The following NMS variants were observed in gnomAD, a reference collection of about 807,000 sequenced individuals.
NMS encodes neuromedin-S.
Under a neutral mutation model 32.2 loss-of-function variants are expected in NMS, and 30 were observed. That is an observed-to-expected ratio of 0.93 (90% CI 0.70 to 1.26). The LOEUF (loss-of-function observed/expected upper bound fraction) is 1.26, where lower values mean the gene tolerates loss of function less well. Ranked by LOEUF, NMS falls within the 50% of genes most tolerant of loss-of-function variation. The pLI, the probability that NMS is intolerant of heterozygous loss-of-function variation, is 0.00. For synonymous variants in NMS, 76 were observed against 58.5 expected (o/e 1.30, Z -1.37); for missense variants, 190 against 186.3 (o/e 1.02, Z -0.12).
intron 3 of NMS, 22 bp downstream of exon 3, chr2:100,473,561 TAATATATATAAAA>T: frequency 1.1e-6 from 1 of 924,030 alleles, no homozygotes; most frequent in Non-Finnish European, 1.4e-6. Context: ...TGTATATATA[TAATATATATAAAA>T]TATATATATA....
intron 7 of NMS, 87 bp from the exon 8 acceptor site, chr2:100,481,039 C>A: frequency 7.4e-7 from 1 of 1,349,274 alleles, no homozygotes; most frequent in Non-Finnish European, 1.1e-6. Context: ...TGGGACCACC[C>A]ATTTTGAAAA....
At chr2:100,479,154 G>T (rs1231229746) in intron 5 of NMS, among the ~76,000 whole-genome samples, 199 bp from the exon 6 acceptor site, 1 of 152,226 alleles carries the variant, frequency 6.6e-6, no homozygotes, top group Non-Finnish European at 1.5e-5. Flanking sequence ...TGTTGGAATT[G>T]AAACCTGTTC....
At chr2:100,470,661 T>A in intron 1 of NMS, 97 bp downstream of exon 1, 1 of 941,068 alleles carries the variant, frequency 1.1e-6, no homozygotes, top group Non-Finnish European at 1.7e-6. Flanking sequence ...GAGTCAAGCT[T>A]TATTCTCCCC....
intron 3 of NMS, among the ~76,000 whole-genome samples, chr2:100,475,429 T>A (rs1199458617): frequency 6.6e-6 from 1 of 152,178 alleles, no homozygotes; most frequent in Non-Finnish European, 1.5e-5. Context: ...CTGCAAATGA[T>A]GACATCCACA....
intron 3 of NMS, among the ~76,000 whole-genome samples, chr2:100,476,704 T>C (rs999381210): frequency 6.1e-4 from 93 of 152,174 alleles, no homozygotes; most frequent in Non-Finnish European, 1.3e-4. Flanking sequence ...CGGCATCTCC[T>C]TGAGTCAGAT....
intron 1 of NMS, among the ~76,000 whole-genome samples, chr2:100,471,392 G>T (rs1053302122): frequency 2.6e-5 from 4 of 152,064 alleles, no homozygotes; most frequent in Non-Finnish European, 5.9e-5. Context: ...ACAAAACTGG[G>T]CCTTGCAAAG....
intron 5 of NMS, among the ~76,000 whole-genome samples, chr2:100,477,760 T>C (rs1677139787): frequency 6.6e-6 from 1 of 152,204 alleles, no homozygotes; most frequent in African/African-American, 2.4e-5. Context: ...TTTTTAAGTT[T>C]GTGCTTTGTG....
intron 9 of NMS, 132 bp from the exon 10 acceptor site, chr2:100,483,120 A>T: frequency 1.3e-6 from 1 of 755,108 alleles, no homozygotes; most frequent in Non-Finnish European, 2.2e-6. Flanking sequence ...GGGGAAAGCA[A>T]CCTGGGCATT....
chr2:100,474,813 C>G (rs1347390681), intron 3 of NMS, among the ~76,000 whole-genome samples: 1 of 152,194 alleles, frequency 6.6e-6, no homozygotes, highest in Non-Finnish European at 1.5e-5. Flanking sequence ...TTTTGGTTTA[C>G]TATGCATATG....
rs765651563 is a variant in NMS at position 100,482,125 on chromosome 2, C to T, written c.415-152C>T. 2.1e-4 allele frequency: 154 copies of T among 730,264 alleles called. 2 individuals are homozygous for T. Among genetic ancestry groups the T allele is most frequent in the South Asian group, 7.3e-4 (43 of 58,684 alleles). The allele number at this position is 730,264 out of a possible 1,614,324, so 45.2% of individuals were successfully genotyped here. ...CCTACGGACTAGCGCTAGCACAGGG[C>T]GAGGGCTTCCCAGGTGAGTCCCCAT... On this transcript the variant is annotated intron_variant, in intron 8 of 9. Coordinates refer to ENST00000376865, the MANE Select transcript of NMS (RefSeq NM_001011717.1).
At position 100,482,406 on chromosome 2, in the gene NMS, A is replaced by T. The variant is rs1325362570; in HGVS notation, c.449+95A>T. On this transcript the variant is annotated intron_variant, in intron 9 of 9. Coordinates refer to ENST00000376865, the MANE Select transcript of NMS (RefSeq NM_001011717.1). ...AGAGTGAGAGGCAGCCATGGGGAGG[A>T]CCATTGTTCAAGAAATGAGGACCCT... 3 of 1,186,518 alleles carry T rather than the reference A, an allele frequency of 2.5e-6. No homozygotes were observed. In the East Asian group the frequency reaches 7.0e-5, roughly 28 times the overall value. The allele number at this position is 1,186,518 out of a possible 1,614,324, so 73.5% of individuals were successfully genotyped here.
At chr2:100,476,667 C>T (rs1470892377) in intron 3 of NMS, among the ~76,000 whole-genome samples, 1 of 146,294 alleles carries the variant, frequency 6.8e-6, no homozygotes, top group East Asian at 2.1e-4. Flanking sequence ...AACACTTACG[C>T]TATGGTTTTG....
rs1404577355 is a variant in NMS, at chr2:100,473,446, C to G, written c.133-43C>G. On this transcript the variant is annotated intron_variant, in intron 2 of 9. Transcript: ENST00000376865. Reference sequence around the variant, plus strand: ...CCCATTAATCAATCTCTCTCTTCATCCCCCTCATCCCTTTGATTTGTTTTC... The same window carrying G: ...CCCATTAATCAATCTCTCTCTTCATGCCCCTCATCCCTTTGATTTGTTTTC... 2.5e-6 allele frequency: 3 copies of G among 1,189,656 alleles called. No individual in the cohort carries two copies. In the African/African-American group the frequency reaches 4.6e-5, roughly 18 times the overall value. 73.7% of individuals were successfully genotyped at this position (1,189,656 alleles called of 1,614,324 possible). A position where few individuals can be genotyped will look rare whatever the true frequency, so the allele number is the denominator to read the frequency against.
chr2:100,478,001 G>T (rs1459178171), intron 5 of NMS, among the ~76,000 whole-genome samples: 2 of 152,238 alleles, frequency 1.3e-5, no homozygotes, highest in East Asian at 1.9e-4. Flanking sequence ...TTGCTCTGTC[G>T]CCCAGGCTGG....
At chr2:100,479,048 G>A (rs139480792) in intron 5 of NMS, among the ~76,000 whole-genome samples, 61 of 152,278 alleles carry the variant, frequency 4.0e-4, no homozygotes, top group African/African-American at 1.5e-3. Flanking sequence ...ATGTGGAGCT[G>A]CTTCTAGGAC....
intron 6 of NMS, 28 bp from the exon 7 acceptor site, chr2:100,480,468 A>G (rs1677195670): frequency 1.2e-6 from 2 of 1,612,646 alleles, no homozygotes; most frequent in Non-Finnish European, 1.7e-6. Context: ...GTTCCTGTTG[A>G]ATTAACCTGT....
At chr2:100,470,603 C>T (rs1676990219) in intron 1 of NMS, 39 bp downstream of exon 1, 1 of 1,482,852 alleles carries the variant, frequency 6.7e-7, no homozygotes, top group Non-Finnish European at 9.4e-7. Flanking sequence ...GGCCTAAACT[C>T]TGAGGATGTC....
chr2:100,472,752 A>T, intron 1 of NMS, 43 bp from the exon 2 acceptor site: 1 of 1,235,810 alleles, frequency 8.1e-7, no homozygotes, highest in Non-Finnish European at 1.2e-6. Context: ...AAATGCTATG[A>T]CCTCTTTTCT....
intron 3 of NMS, among the ~76,000 whole-genome samples, chr2:100,475,123 A>G (rs1379899644): frequency 6.6e-6 from 1 of 152,122 alleles, no homozygotes; most frequent in Non-Finnish European, 1.5e-5. Context: ...CCATTTTTCC[A>G]AGTCTATCCC....
Sources: allele counts gnomAD v4.1 joint callset (sites outside exome capture counted in the v4.1 genomes callset), GRCh38; gene constraint gnomAD v4.1.1; transcripts MANE v1.5; gene names NCBI Gene and HGNC (gene_info 2026-07-23, HGNC 2026-07-21).